The following NELL1 variants were observed in gnomAD, a reference collection of about 807,000 sequenced individuals.
NELL1 encodes neural EGFL like 1.
In NELL1, 76 loss-of-function variants were observed where a neutral mutation model predicts 107.4. The ratio of observed to expected loss-of-function variants is 0.71; its 90% confidence interval spans 0.59 to 0.86. The LOEUF (loss-of-function observed/expected upper bound fraction) is 0.86. NELL1 is among the 40% of genes least tolerant of loss of function. NELL1 has a pLI of 0.00. For synonymous variants in NELL1, 353 were observed against 341.2 expected, an observed-to-expected ratio of 1.03 and a Z score of -0.38; for missense variants, 1,024 against 1,005.5, an observed-to-expected ratio of 1.02 and a Z score of -0.25.
chr11:21,105,478 G>T (rs753261254), intron 12 of NELL1, among the ~76,000 whole-genome samples: 18 of 152,220 alleles, frequency 1.2e-4, no homozygotes, highest in South Asian at 6.2e-4. Flanking sequence ...CCATTGCCAT[G>T]TTGCCTGCTC....
intron 13 of NELL1, among the ~76,000 whole-genome samples, chr11:21,204,720 T>C (rs1281959062): frequency 6.6e-6 from 1 of 152,106 alleles, no homozygotes; most frequent in Non-Finnish European, 1.5e-5. Flanking sequence ...TTCAGTCTTT[T>C]TACGCTGGTT....
intron 17 of NELL1, among the ~76,000 whole-genome samples, chr11:21,565,470 G>A (rs1031979332): frequency 6.6e-6 from 1 of 151,820 alleles, no homozygotes; most frequent in African/African-American, 2.4e-5. Flanking sequence ...TTGATCACTG[G>A]CTCTACCCTC....
At chr11:21,183,816 T>C (rs536513714) in intron 13 of NELL1, among the ~76,000 whole-genome samples, 1 of 151,920 alleles carries the variant, frequency 6.6e-6, no homozygotes, top group South Asian at 2.1e-4. Flanking sequence ...AGTGTTGAGT[T>C]GAACAGGGTT....
intron 15 of NELL1, among the ~76,000 whole-genome samples, chr11:21,532,915 A>G (rs1856029296): frequency 6.6e-6 from 1 of 152,190 alleles, no homozygotes; most frequent in South Asian, 2.1e-4. Flanking sequence ...CATATGTCCC[A>G]GAGAACCTGG....
intron 4 of NELL1, among the ~76,000 whole-genome samples, chr11:20,856,902 G>A (rs1848891575): frequency 6.6e-6 from 1 of 152,284 alleles, no homozygotes; most frequent in South Asian, 2.1e-4. Context: ...CTTATAGATG[G>A]GAGGTTTTGA....
intron 15 of NELL1, among the ~76,000 whole-genome samples, chr11:21,449,654 GT>G (rs1853530086): frequency 6.6e-6 from 1 of 152,124 alleles, no homozygotes; most frequent in South Asian, 2.1e-4. Flanking sequence ...TTTCTCCAGT[GT>G]TTTGCCTTAG....
At chr11:21,210,905 G>A (rs1857484500) in intron 13 of NELL1, among the ~76,000 whole-genome samples, 1 of 152,072 alleles carries the variant, frequency 6.6e-6, no homozygotes, top group Non-Finnish European at 1.5e-5. Context: ...TACAGCTTCT[G>A]ATACCAAAGC....
chr11:21,536,850 G>A (rs1856151856), intron 16 of NELL1, among the ~76,000 whole-genome samples: 1 of 152,136 alleles, frequency 6.6e-6, no homozygotes, highest in Non-Finnish European at 1.5e-5. Flanking sequence ...TACCTGTAGA[G>A]CCCTATCACC....
At chr11:21,398,218 T>C (rs1852023083) in intron 15 of NELL1, among the ~76,000 whole-genome samples, 1 of 151,740 alleles carries the variant, frequency 6.6e-6, no homozygotes, top group Non-Finnish European at 1.5e-5. Context: ...TCCACTGGCA[T>C]GCCCATAGGT....
intron 3 of NELL1, among the ~76,000 whole-genome samples, chr11:20,798,675 C>G (rs1461283586): frequency 1.3e-5 from 2 of 152,140 alleles, no homozygotes; most frequent in African/African-American, 4.8e-5. Flanking sequence ...TGAAAGGCAC[C>G]TCAGGCTGTC....
chr11:20,902,492 A>G (rs1224932767), intron 5 of NELL1, among the ~76,000 whole-genome samples: 1 of 152,088 alleles, frequency 6.6e-6, no homozygotes, highest in Non-Finnish European at 1.5e-5. Flanking sequence ...AGGGGAAGTC[A>G]TTGAGCAATG....
chr11:21,209,132 G>T (rs889579670), intron 13 of NELL1, among the ~76,000 whole-genome samples: 2 of 152,026 alleles, frequency 1.3e-5, no homozygotes, highest in African/African-American at 4.8e-5. Context: ...AACGGGTTTA[G>T]ATTTATATTT....
intron 15 of NELL1, among the ~76,000 whole-genome samples, chr11:21,437,176 A>G (rs1413143848): frequency 6.6e-6 from 1 of 152,098 alleles, no homozygotes; most frequent in Non-Finnish European, 1.5e-5. Context: ...ATGATTTTTC[A>G]TCTAGATGGT....
At chr11:21,006,577 A>G (rs1365868038) in intron 12 of NELL1, among the ~76,000 whole-genome samples, 1 of 152,096 alleles carries the variant, frequency 6.6e-6, no homozygotes, top group Non-Finnish European at 1.5e-5. Flanking sequence ...AAGACTCAGA[A>G]TGGCAGCATG....
chr11:21,249,311 G>C (rs1409992626), intron 14 of NELL1, among the ~76,000 whole-genome samples: 1 of 152,062 alleles, frequency 6.6e-6, no homozygotes, highest in Non-Finnish European at 1.5e-5. Flanking sequence ...ATAATTAGTA[G>C]GTTTGACTAC....
At chr11:20,689,540 G>T (rs937223115) in intron 2 of NELL1, among the ~76,000 whole-genome samples, 12 of 147,450 alleles carry the variant, frequency 8.1e-5, no homozygotes, top group African/African-American at 3.0e-4. Flanking sequence ...GCGGTGTTTG[G>T]TTTTTTGTCC....
At chr11:20,981,550 C>T (rs1296838890) in intron 12 of NELL1, among the ~76,000 whole-genome samples, 2 of 152,210 alleles carry the variant, frequency 1.3e-5, no homozygotes, top group East Asian at 1.9e-4. Flanking sequence ...CACTCCTAAT[C>T]TTCTGAGCAG....
chr11:20,787,049 A>G (rs1405204409), intron 3 of NELL1, among the ~76,000 whole-genome samples: 1 of 149,734 alleles, frequency 6.7e-6, no homozygotes, highest in Non-Finnish European at 1.5e-5. Flanking sequence ...AGGAAAGTAC[A>G]CTTGCAAGAG....
At chr11:20,820,478 A>G (rs1857726535) in intron 3 of NELL1, among the ~76,000 whole-genome samples, 1 of 152,212 alleles carries the variant, frequency 6.6e-6, no homozygotes, top group South Asian at 2.1e-4. Flanking sequence ...AATGAGTAAT[A>G]TCATGTCACT....
Sources: allele counts gnomAD v4.1 joint callset (sites outside exome capture counted in the v4.1 genomes callset), GRCh38; gene constraint gnomAD v4.1.1; transcripts MANE v1.5; gene names NCBI Gene and HGNC (gene_info 2026-07-23, HGNC 2026-07-21).